The following CHRM3 variants were observed in gnomAD, a reference collection of about 807,000 sequenced individuals.
CHRM3 encodes the protein muscarinic acetylcholine receptor M3.
Under a neutral mutation model 41.8 loss-of-function variants are expected in CHRM3, and 11 were observed. The observed-to-expected ratio is 0.26, with a 90% CI of 0.17 to 0.44. The LOEUF (loss-of-function observed/expected upper bound fraction) is 0.44. Among genes scored for constraint, CHRM3 ranks in the 20% least tolerant of loss-of-function variants. CHRM3 has a pLI of 1.00. For missense variants in CHRM3, 571 were observed against 745.4 expected, an observed-to-expected ratio of 0.77 and a Z score of 2.72; for synonymous variants, 297 against 301.4, an observed-to-expected ratio of 0.99 and a Z score of 0.15.
chr1:239,810,465 A>G (rs1183492680), intron 5 of CHRM3, among the ~76,000 whole-genome samples: 1 of 152,186 alleles, frequency 6.6e-6, no homozygotes, highest in African/African-American at 2.4e-5. Context: ...TGTGAGATCA[A>G]AGAAAATGCT....
chr1:239,456,227 G>C (rs1415367708), intron 1 of CHRM3, among the ~76,000 whole-genome samples: 1 of 152,164 alleles, frequency 6.6e-6, no homozygotes, highest in African/African-American at 2.4e-5. Context: ...AAAAACAACT[G>C]TCTGTGAGAG....
At chr1:239,404,384 GAAAGAAAGAAAGAAAGAAAGAAAGAAAA>G (rs1558195263) in intron 1 of CHRM3, among the ~76,000 whole-genome samples, 71 of 69,968 alleles carry the variant, frequency 1.0e-3, no homozygotes, top group African/African-American at 3.2e-3. Flanking sequence ...AAGAAAGAAA[GAAAGAAAGAAAGAAAGAAAGAAAGAAAA>G]AGAAAGAAAG....
chr1:239,507,408 C>A (rs1668645819), intron 2 of CHRM3, among the ~76,000 whole-genome samples: 1 of 152,208 alleles, frequency 6.6e-6, no homozygotes, highest in South Asian at 2.1e-4. Flanking sequence ...CTCTTGTCTG[C>A]CACCATGTGA....
At chr1:239,413,316 G>C (rs1409293709) in intron 1 of CHRM3, among the ~76,000 whole-genome samples, 3 of 152,010 alleles carry the variant, frequency 2.0e-5, no homozygotes, top group African/African-American at 4.8e-5. Flanking sequence ...TTGAGACCGA[G>C]TCTCACTCTG....
At chr1:239,560,958 C>A (rs1164154906) in intron 3 of CHRM3, among the ~76,000 whole-genome samples, 2 of 152,120 alleles carry the variant, frequency 1.3e-5, no homozygotes, top group Non-Finnish European at 2.9e-5. Context: ...TAGGCAAAAG[C>A]ATAGGTGTTA....
chr1:239,800,215 C>T (rs1235885550), intron 5 of CHRM3, among the ~76,000 whole-genome samples: 2 of 152,150 alleles, frequency 1.3e-5, no homozygotes, highest in East Asian at 3.9e-4. Flanking sequence ...TTTGTGTTCG[C>T]TTCTCCTTAA....
intron 2 of CHRM3, among the ~76,000 whole-genome samples, chr1:239,539,732 G>T (rs979093030): frequency 6.6e-6 from 1 of 152,082 alleles, no homozygotes; most frequent in Non-Finnish European, 1.5e-5. Context: ...CAAGGCTCAG[G>T]TGATCCTCCT....
intron 1 of CHRM3, among the ~76,000 whole-genome samples, chr1:239,469,269 G>T (rs1665943217): frequency 1.3e-5 from 2 of 152,190 alleles, no homozygotes; most frequent in African/African-American, 4.8e-5. Context: ...TCATACCTGT[G>T]TGTCTCTGTC....
chr1:239,711,205 A>G (rs1032668475), intron 5 of CHRM3, among the ~76,000 whole-genome samples: 1 of 152,108 alleles, frequency 6.6e-6, no homozygotes, highest in Non-Finnish European at 1.5e-5. Context: ...TTTTGGGGTC[A>G]TGCATGGATT....
intron 3 of CHRM3, among the ~76,000 whole-genome samples, chr1:239,567,343 T>G (rs532360590): frequency 6.6e-6 from 1 of 151,076 alleles, no homozygotes; most frequent in South Asian, 2.1e-4. Context: ...ACTGGTAAGC[T>G]CTCCTTGGGC....
chr1:239,452,810 A>AT (rs918613366), intron 1 of CHRM3, among the ~76,000 whole-genome samples: 4 of 151,584 alleles, frequency 2.6e-5, no homozygotes, highest in Admixed American at 6.6e-5. Context: ...TTTTCTTATT[A>AT]TTTTTTTTGA....
chr1:239,594,606 T>C (rs1022748602), intron 3 of CHRM3, among the ~76,000 whole-genome samples: 5 of 152,214 alleles, frequency 3.3e-5, no homozygotes, highest in African/African-American at 1.2e-4. Flanking sequence ...GAAAGTGCAA[T>C]TTCAGATACA....
At chr1:239,611,061 TA>T (rs965465553) in intron 3 of CHRM3, among the ~76,000 whole-genome samples, 11 of 150,438 alleles carry the variant, frequency 7.3e-5, no homozygotes, top group South Asian at 2.1e-4. Context: ...AAAATAATAA[TA>T]AAAAAAAAGA....
chr1:239,841,816 C>T (rs1673823599), intron 6 of CHRM3, among the ~76,000 whole-genome samples: 1 of 152,154 alleles, frequency 6.6e-6, no homozygotes, highest in Admixed American at 6.5e-5. Flanking sequence ...AGGAAGTTGC[C>T]TCTATCTCTA....
chr1:239,392,496 A>T (rs1387519212), intron 1 of CHRM3, among the ~76,000 whole-genome samples: 1 of 152,186 alleles, frequency 6.6e-6, no homozygotes, highest in Non-Finnish European at 1.5e-5. Context: ...CCTCTAGCAC[A>T]GGAAGTGGTG....
rs759465615 is a variant in CHRM3 at position 239,813,272 on chromosome 1, C to T, written c.-146-13980C>T. 1.8e-4 allele frequency among the ~76,000 whole-genome samples: 28 copies of T among 151,950 alleles called. No homozygotes were observed. The East Asian group carries it at 2.5e-3, about 14-fold the overall frequency. On this transcript the variant is annotated intron_variant, in intron 5 of 6. Transcript: ENST00000676153. ...CAGCCTGGGCAACAGAGTGAGACTC[C>T]GTCTCAAAAAAATAAATAAATAAAT...
intron 2 of CHRM3, among the ~76,000 whole-genome samples, chr1:239,508,922 T>C (rs1558276758): frequency 6.6e-6 from 1 of 152,210 alleles, no homozygotes; most frequent in Non-Finnish European, 1.5e-5. Context: ...TTGCACAAAT[T>C]GTAAGCAGTA....
At chr1:239,673,831 G>A (rs1657661011) in intron 4 of CHRM3, among the ~76,000 whole-genome samples, 1 of 151,892 alleles carries the variant, frequency 6.6e-6, no homozygotes, top group Admixed American at 6.6e-5. Flanking sequence ...TTTCTTAAAT[G>A]CTTTCCTGTT....
At chr1:239,519,326 T>C (rs929490269) in intron 2 of CHRM3, among the ~76,000 whole-genome samples, 25 of 152,228 alleles carry the variant, frequency 1.6e-4, no homozygotes, top group African/African-American at 3.9e-4. Context: ...AAATTTAAAC[T>C]AAAATTCTAA....
Sources: gnomAD v4.1 joint callset for allele counts (sites outside exome capture counted in the v4.1 genomes callset) on GRCh38, gnomAD v4.1.1 for gene constraint, MANE v1.5 for transcripts, NCBI Gene and HGNC (gene_info 2026-07-23, HGNC 2026-07-21) for gene names.